The following MPP7 variants were observed in gnomAD, a reference collection of about 807,000 sequenced individuals.
MPP7 encodes the protein MAGUK p55 subfamily member 7.
Under a neutral mutation model 76.5 loss-of-function variants are expected in MPP7, and 60 were observed. The observed-to-expected ratio is 0.78, with a 90% CI of 0.64 to 0.97. The LOEUF (loss-of-function observed/expected upper bound fraction) is 0.97. Among genes scored for constraint, MPP7 ranks in the 50% least tolerant of loss-of-function variants. The pLI, the probability that MPP7 is intolerant of heterozygous loss-of-function variation, is 0.00. For synonymous variants in MPP7, 237 were observed against 244.5 expected, an observed-to-expected ratio of 0.97 and a Z score of 0.29; for missense variants, 641 against 694.0, an observed-to-expected ratio of 0.92 and a Z score of 0.86.
chr10:28,128,443 T>C (rs1330411988), intron 6 of MPP7, among the ~76,000 whole-genome samples: 1 of 152,090 alleles, frequency 6.6e-6, no homozygotes, highest in Non-Finnish European at 1.5e-5. Context: ...GATCTTCAGA[T>C]TTGGGATGCT....
intron 3 of MPP7, among the ~76,000 whole-genome samples, chr10:28,177,094 T>C (rs900456805): frequency 1.3e-5 from 2 of 149,686 alleles, no homozygotes; most frequent in African/African-American, 4.9e-5. Flanking sequence ...TCATCAAATA[T>C]ACAAAAATCT....
chr10:28,102,067 A>C (rs558689425), intron 11 of MPP7, among the ~76,000 whole-genome samples: 1 of 144,082 alleles, frequency 6.9e-6, no homozygotes, highest in Non-Finnish European at 1.5e-5. Context: ...CGGACATTCA[A>C]CTTTAAATGG....
At chr10:28,180,784 T>G (rs1414963743) in intron 3 of MPP7, among the ~76,000 whole-genome samples, 1 of 152,148 alleles carries the variant, frequency 6.6e-6, no homozygotes, top group East Asian at 1.9e-4. Context: ...ACATCAGCAG[T>G]CAGCAATGGG....
At chr10:28,091,287 CT>C (rs57320934) in intron 11 of MPP7, among the ~76,000 whole-genome samples, 561 of 143,670 alleles carry the variant, frequency 3.9e-3, no homozygotes, top group Non-Finnish European at 4.4e-3. Context: ...AAACAGATAA[CT>C]TTTTTTTTTT....
chr10:28,095,194 CATATATATAT>C (rs10528025), intron 11 of MPP7, among the ~76,000 whole-genome samples: 13,028 of 130,552 alleles, frequency 0.1, 1,125 homozygotes, highest in African/African-American at 0.23. Context: ...CACACATATG[CATATATATAT>C]ATATATATAT....
intron 2 of MPP7, among the ~76,000 whole-genome samples, chr10:28,313,722 G>A (rs760175005): frequency 5.3e-5 from 8 of 151,858 alleles, no homozygotes; most frequent in Admixed American, 1.3e-4. Flanking sequence ...GGGTCTGCTC[G>A]GTCCCCCAGG....
Position 28,099,908 on chromosome 10 carries a change from G to GA in MPP7, c.953-10068dup, listed in dbSNP as rs113787843. Among the ~76,000 whole-genome samples, 16 of 149,458 alleles carry GA rather than the reference G, an allele frequency of 1.1e-4. No homozygotes were observed. The East Asian group carries it at 1.2e-3, about 11-fold the overall frequency. On this transcript the variant is annotated intron_variant, in intron 11 of 16. Transcript: ENST00000683449. Reference sequence around the variant, plus strand: ...AAAACTGCTTCATTTTTTCAACGGAGAAAAAAAAACATTTAAATTCTTTTT... The same window carrying GA: ...AAAACTGCTTCATTTTTTCAACGGAGAAAAAAAAAACATTTAAATTCTTTTT...
intron 11 of MPP7, among the ~76,000 whole-genome samples, chr10:28,090,072 C>T (rs1853222754): frequency 6.6e-6 from 1 of 152,116 alleles, no homozygotes; most frequent in African/African-American, 2.4e-5. Context: ...GCGATCCTCC[C>T]ACCTCAGGCT....
intron 1 of MPP7, among the ~76,000 whole-genome samples, chr10:28,284,711 T>C (rs973849093): frequency 5.3e-5 from 8 of 152,246 alleles, no homozygotes; most frequent in African/African-American, 1.7e-4. Flanking sequence ...CATGGAATGA[T>C]TGTAACAAAT....
intron 2 of MPP7, among the ~76,000 whole-genome samples, chr10:28,208,860 A>G (rs914931465): frequency 5.3e-5 from 8 of 152,110 alleles, no homozygotes; most frequent in Admixed American, 5.2e-4. Flanking sequence ...TGTCCCCTCT[A>G]AGTCTCATGT....
Position 28,161,840 on chromosome 10 carries a change from A to G in MPP7, c.157-11781T>C, listed in dbSNP as rs1398876100. Among the ~76,000 whole-genome samples, 6 of 152,354 alleles carry G rather than the reference A, an allele frequency of 3.9e-5. No homozygotes were observed. The East Asian group carries it at 1.2e-3, about 29-fold the overall frequency. On this transcript the variant is annotated intron_variant, in intron 3 of 16. Coordinates refer to ENST00000683449, the MANE Select transcript of MPP7 (RefSeq NM_001318170.2). ...TATGGCTATACGTTAAAACTTATTT[A>G]CAGAAAGGAAATTGTAAAAATTGTT... is the stretch of plus-strand genomic sequence containing the variant.
chr10:28,162,858 ACTCTCTCTCTCTCTTT>A (rs907909702), intron 3 of MPP7, among the ~76,000 whole-genome samples: 3 of 145,012 alleles, frequency 2.1e-5, no homozygotes, highest in South Asian at 2.2e-4. Context: ...TCTTTCTCTC[ACTCTCTCTCTCTCTTT>A]CTCTCTCTCT....
intron 2 of MPP7, 43 bp from the exon 3 acceptor site, chr10:28,202,314 T>C: frequency 7.1e-7 from 1 of 1,408,366 alleles, no homozygotes; most frequent in Non-Finnish European, 9.9e-7. Flanking sequence ...CTTAGAGTGA[T>C]CTCATTAATT....
chr10:28,328,569 C>CTT (rs34544679), intron 2 of MPP7, among the ~76,000 whole-genome samples: 59 of 136,548 alleles, frequency 4.3e-4, no homozygotes, highest in South Asian at 2.1e-3. Context: ...CTAGCAAGCA[C>CTT]TTTTTTTTTT....
intron 16 of MPP7, among the ~76,000 whole-genome samples, 176 bp from the exon 17 acceptor site, chr10:28,054,420 T>C (rs2133304662): frequency 6.6e-6 from 1 of 152,316 alleles, no homozygotes; most frequent in South Asian, 2.1e-4. Flanking sequence ...CCATAATTTC[T>C]AATACTATTT....
chr10:28,242,081 T>C (rs772705491), intron 1 of MPP7, among the ~76,000 whole-genome samples: 2 of 151,956 alleles, frequency 1.3e-5, no homozygotes, highest in South Asian at 2.1e-4. Context: ...TGTGAACATA[T>C]ACACACACAC....
At chr10:28,084,465 G>A (rs1852910226) in intron 12 of MPP7, among the ~76,000 whole-genome samples, 2 of 152,184 alleles carry the variant, frequency 1.3e-5, no homozygotes, top group South Asian at 4.1e-4. Context: ...GAGCTTGTTA[G>A]AAATGCAGGC....
At chr10:28,180,169 A>C (rs1262989703) in intron 3 of MPP7, among the ~76,000 whole-genome samples, 1 of 152,220 alleles carries the variant, frequency 6.6e-6, no homozygotes, top group African/African-American at 2.4e-5. Context: ...AATAATTGTG[A>C]AATGTAGTAA....
upstream of MPP7, chr10:28,303,187 C>CA (rs11387137): frequency 0.29 from 44,012 of 152,094 alleles, 7,293 homozygotes; most frequent in East Asian, 0.55. Context: ...GACTTGAAGA[C>CA]GCCTCTCCAG....
Sources: gnomAD v4.1 joint callset for allele counts (sites outside exome capture counted in the v4.1 genomes callset) on GRCh38, gnomAD v4.1.1 for gene constraint, MANE v1.5 for transcripts, NCBI Gene and HGNC (gene_info 2026-07-23, HGNC 2026-07-21) for gene names.